GPHN: variants seen among roughly 807,000 people sequenced by gnomAD.
GPHN encodes the protein gephyrin.
Under a neutral mutation model 95.5 loss-of-function variants are expected in GPHN, and 17 were observed. The observed-to-expected ratio is 0.18, with a 90% CI of 0.12 to 0.27. GPHN has a LOEUF of 0.27. Among genes scored for constraint, GPHN ranks in the 10% least tolerant of loss-of-function variants. The pLI is 1.00. For missense variants in GPHN, 660 were observed against 978.1 expected (o/e 0.67, Z 4.34); for synonymous variants, 320 against 322.5 (o/e 0.99, Z 0.08).
At chr14:67,061,062 A>T (rs187271962) in intron 11 of GPHN, among the ~76,000 whole-genome samples, 3 of 151,106 alleles carry the variant, frequency 2.0e-5, no homozygotes, top group Admixed American at 2.0e-4. Flanking sequence ...TTTTTCTGAG[A>T]TGGAGTTTTG....
chr14:67,227,823 G>A, the GPHN span: 1 of 152,104 alleles, frequency 6.6e-6, no homozygotes, highest in Non-Finnish European at 1.5e-5. Flanking sequence ...CATCCTGAAT[G>A]GACAGGTTTT....
chr14:66,922,926 C>A lies in GPHN; in HGVS notation c.717C>A (p.Ala239=). The change falls in exon 7 of 23, where the codon GCC becomes GCA. Residue 239 remains alanine, a synonymous_variant. Coordinates refer to ENST00000478722, the MANE Select transcript of GPHN (RefSeq NM_020806.5). The part of the protein sequence containing the change: ...DSSSSHITAA[A]IAAKKHPFYT... ...CCTCATCACATATAACTGCAGCAGCCATTGCTGCCAAGGTAAGCCTGATGA... is the reference window on the plus strand; with the variant it reads ...CCTCATCACATATAACTGCAGCAGCAATTGCTGCCAAGGTAAGCCTGATGA... 6.2e-7 allele frequency: 1 copy of A among 1,611,970 alleles called. No homozygotes were observed. The highest frequency in any genetic ancestry group is 8.5e-7 in the Non-Finnish European group (1 of 1,179,388).
At chr14:67,025,272 A>AT (rs1256521991) in intron 10 of GPHN, among the ~76,000 whole-genome samples, 2 of 152,056 alleles carry the variant, frequency 1.3e-5, no homozygotes, top group Non-Finnish European at 1.5e-5. Context: ...TGTCCTTGTC[A>AT]TTTTTTGTTG....
chr14:66,737,340 A>G (rs1243350453), intron 2 of GPHN, among the ~76,000 whole-genome samples: 1 of 152,096 alleles, frequency 6.6e-6, no homozygotes, highest in African/African-American at 2.4e-5. Context: ...GATACTGTCA[A>G]TGTGAAACCA....
At chr14:67,553,751 A>T in the GPHN span, among the ~76,000 whole-genome samples, 1 of 152,326 alleles carries the variant, frequency 6.6e-6, no homozygotes, top group Non-Finnish European at 1.5e-5. Context: ...CCGTGGCTGC[A>T]TGGCAACTGT....
At chr14:66,665,435 C>T (rs567668303) in intron 1 of GPHN, among the ~76,000 whole-genome samples, 3 of 152,248 alleles carry the variant, frequency 2.0e-5, no homozygotes, top group South Asian at 2.1e-4. Flanking sequence ...AACAAGTGAG[C>T]GAAGGATATG....
chr14:67,392,481 C>T, the GPHN span: 45 of 1,396,094 alleles, frequency 3.2e-5, no homozygotes, highest in East Asian at 1.4e-4. Context: ...CAGGCCCAGG[C>T]TATGGCGGCT....
chr14:66,846,102 A>C (rs189266360), intron 4 of GPHN, among the ~76,000 whole-genome samples: 1 of 152,318 alleles, frequency 6.6e-6, no homozygotes, highest in Admixed American at 6.5e-5. Context: ...TTAGGAAAGA[A>C]GACTTTCAAT....
At chr14:66,708,750 G>A (rs1566849871) in intron 2 of GPHN, among the ~76,000 whole-genome samples, 1 of 152,000 alleles carries the variant, frequency 6.6e-6, no homozygotes, top group Non-Finnish European at 1.5e-5. Flanking sequence ...TATAAAATAA[G>A]TATTTCTAGT....
the GPHN span, among the ~76,000 whole-genome samples, chr14:67,664,111 G>C: frequency 6.6e-6 from 1 of 152,192 alleles, no homozygotes; most frequent in Non-Finnish European, 1.5e-5. Context: ...TCAAGACAGA[G>C]TCTCACTGGT....
At chr14:67,128,178 A>G (rs1294236754) in intron 17 of GPHN, among the ~76,000 whole-genome samples, 1 of 152,148 alleles carries the variant, frequency 6.6e-6, no homozygotes, top group Non-Finnish European at 1.5e-5. Context: ...CAGCCCAAAT[A>G]TGAAACTAGT....
At chr14:67,582,771 A>C in the GPHN span, among the ~76,000 whole-genome samples, 1 of 152,244 alleles carries the variant, frequency 6.6e-6, no homozygotes, top group African/African-American at 2.4e-5. This position sits in a 1 kb window ranked among gnomAD's most constrained non-coding sequence, Gnocchi z 5.0. Context: ...TGGGAGGCAG[A>C]GGTTGCAGTG....
chr14:67,578,191 C>T, the GPHN span: 1 of 1,613,556 alleles, frequency 6.2e-7, no homozygotes, highest in Non-Finnish European at 8.5e-7. The surrounding 1 kb of genome is among the most constrained non-coding windows in gnomAD (Gnocchi z 5.0). Context: ...GAAGTACTCC[C>T]TCATGCAGGT....
chr14:67,303,498 A>C, the GPHN span: 2 of 1,574,878 alleles, frequency 1.3e-6, no homozygotes, highest in Middle Eastern at 1.7e-4. Context: ...AAATTTAAAA[A>C]ATAACCTGAT....
chr14:67,166,499 A>G (rs1170177906), intron 20 of GPHN, among the ~76,000 whole-genome samples: 1 of 152,180 alleles, frequency 6.6e-6, no homozygotes. Flanking sequence ...TCAAATTCCT[A>G]CTTTTAATTT....
chr14:67,366,520 C>T, the GPHN span, among the ~76,000 whole-genome samples: 23,609 of 152,142 alleles, frequency 0.16, 3,464 homozygotes, highest in East Asian at 0.42. Context: ...ATGGCATTAA[C>T]TAAAACCAGG....
chr14:67,578,957 C>T, the GPHN span, among the ~76,000 whole-genome samples: 3 of 152,196 alleles, frequency 2.0e-5, no homozygotes, highest in African/African-American at 7.2e-5. This position sits in a 1 kb window ranked among gnomAD's most constrained non-coding sequence, Gnocchi z 5.0. Flanking sequence ...TGCCAGCAAC[C>T]TGCTATATAA....
chr14:67,274,609 T>A, the GPHN span, among the ~76,000 whole-genome samples: 2 of 152,344 alleles, frequency 1.3e-5, no homozygotes, highest in African/African-American at 4.8e-5. Flanking sequence ...ATGCGGGCTC[T>A]TTTTTGGTTC....
At chr14:67,237,802 T>G in the GPHN span, among the ~76,000 whole-genome samples, 1 of 152,178 alleles carries the variant, frequency 6.6e-6, no homozygotes, top group Non-Finnish European at 1.5e-5. Context: ...TCCATAATAT[T>G]TAGTTACAAA....
Sources: allele counts gnomAD v4.1 joint callset (sites outside exome capture counted in the v4.1 genomes callset), GRCh38; gene constraint gnomAD v4.1.1; non-coding constraint Gnocchi (gnomAD v3.1); transcripts MANE v1.5; gene names NCBI Gene and HGNC (gene_info 2026-07-23, HGNC 2026-07-21).